MAPK8IP3: variants seen among roughly 807,000 people sequenced by gnomAD.
MAPK8IP3 encodes the protein mitogen-activated protein kinase 8 interacting protein 3, also known as C-Jun-amino-terminal kinase-interacting protein 3.
In MAPK8IP3, 49 loss-of-function variants were observed where a neutral mutation model predicts 157.8. That is an observed-to-expected ratio of 0.31 (90% CI 0.25 to 0.39). The LOEUF (loss-of-function observed/expected upper bound fraction) is 0.39, where lower values mean the gene tolerates loss of function less well. Ranked by LOEUF, MAPK8IP3 falls within the 10% of genes least tolerant of loss-of-function variation. The pLI is 1.00. For synonymous variants in MAPK8IP3, 897 were observed against 777.7 expected, an observed-to-expected ratio of 1.15 and a Z score of -2.55; for missense variants, 1,478 against 1,889.4, an observed-to-expected ratio of 0.78 and a Z score of 4.04.
chr16:1,761,578 A>G (rs1374858322), intron 13 of MAPK8IP3, among the ~76,000 whole-genome samples: 24 of 145,990 alleles, frequency 1.6e-4, no homozygotes, highest in African/African-American at 6.2e-4. Flanking sequence ...GGCGACCACC[A>G]TTCACCATTC....
At chr16:1,758,052 G>A in intron 8 of MAPK8IP3, 96 bp from the exon 9 acceptor site, 1 of 1,278,776 alleles carries the variant, frequency 7.8e-7, no homozygotes, top group Non-Finnish European at 1.1e-6. Context: ...ATCATTGCTG[G>A]GTTTTCTGTA....
chr16:1,742,484 C>A lies in MAPK8IP3; in HGVS notation c.603-848C>A, dbSNP rs2040742219. On this transcript the variant is annotated intron_variant, in intron 4 of 31. Transcript: ENST00000610761. This position sits in a 1 kb window ranked among gnomAD's most constrained non-coding sequence, Gnocchi z 5.0. The stretch of plus-strand genomic sequence containing the variant: ...GGGGAGGGAGAAGACGCCCCTCAGG[C>A]TCAGGCTCCGGCTGCAGCAGATGAG... Among the ~76,000 whole-genome samples the A allele has an allele frequency of 6.6e-6, 1 of 152,202 alleles. No individual in the cohort carries two copies. The highest frequency in any genetic ancestry group is 1.5e-5 in the Non-Finnish European group (1 of 68,034).
chr16:1,731,147 CATAA>C (rs2039293094), intron 4 of MAPK8IP3, among the ~76,000 whole-genome samples: 1 of 151,798 alleles, frequency 6.6e-6, no homozygotes, highest in Non-Finnish European at 1.5e-5. Flanking sequence ...AAAATAAATA[CATAA>C]ATAAATAATA....
Position 1,742,456 on chromosome 16 carries a change from C to T in MAPK8IP3, c.603-876C>T, listed in dbSNP as rs536619636. Among the ~76,000 whole-genome samples, 2 of 152,280 alleles carry T rather than the reference C, an allele frequency of 1.3e-5. No homozygotes were observed. The highest frequency in any genetic ancestry group is 2.1e-4 in the South Asian group (1 of 4,830). ...GGGCTCCCTGACAGCAGAGAGGACACGTGGGGAGGGAGAAGACGCCCCTCA... is the reference window on the plus strand; with the variant it reads ...GGGCTCCCTGACAGCAGAGAGGACATGTGGGGAGGGAGAAGACGCCCCTCA... On this transcript the variant is annotated intron_variant, in intron 4 of 31. Transcript: ENST00000610761. This position sits in a 1 kb window ranked among gnomAD's most constrained non-coding sequence, Gnocchi z 5.0.
intron 2 of MAPK8IP3, among the ~76,000 whole-genome samples, chr16:1,726,537 C>T (rs1378200977): frequency 1.3e-5 from 2 of 152,026 alleles, no homozygotes; most frequent in Non-Finnish European, 2.9e-5. Flanking sequence ...TAGCCAGGCA[C>T]GGTGGCTCAC....
At chr16:1,717,673 C>T (rs1189630915) in intron 1 of MAPK8IP3, among the ~76,000 whole-genome samples, 1 of 152,232 alleles carries the variant, frequency 6.6e-6, no homozygotes, top group African/African-American at 2.4e-5. Flanking sequence ...CAAGATACTA[C>T]CGTGCTGTAT....
chr16:1,748,296 G>T lies in MAPK8IP3; in HGVS notation c.1047G>T (p.Thr349=). Residue 349 remains threonine, a synonymous_variant, in exon 7 of 32, where the codon ACG becomes ACT. Transcript: ENST00000610761. ...WSDVQDIIDS[T]PELDMCPETR... ...ATGTTCAAGACATTATTGACTCCAC[G>T]CCAGAGCTGGACATGTGTCCAGAGA... 1 of 1,613,962 alleles carries T rather than the reference G, an allele frequency of 6.2e-7. No individual in the cohort carries two copies. Among genetic ancestry groups the T allele is most frequent in the Non-Finnish European group, 8.5e-7 (1 of 1,180,018 alleles).
rs972981770 is a variant in MAPK8IP3 at position 1,743,645 on chromosome 16, C to T, written c.747+169C>T. 2.1e-6 allele frequency: 3 copies of T among 1,438,466 alleles called. No homozygotes were observed. Among genetic ancestry groups the T allele is most frequent in the East Asian group, 2.7e-5 (1 of 36,620 alleles). The allele number at this position is 1,438,466 out of a possible 1,614,324, so 89.1% of individuals were successfully genotyped here. On this transcript the variant is annotated intron_variant, in intron 5 of 31. Transcript: ENST00000610761. This position sits in a 1 kb window ranked among gnomAD's most constrained non-coding sequence, Gnocchi z 5.6. ...AAACCCAGCCAGGGTGTCAGGGGCT[C>T]AGGCTGCCCAGCAGGCCCTGTGTGG...
At chr16:1,708,924 T>C (rs1395573353) in intron 1 of MAPK8IP3, among the ~76,000 whole-genome samples, 3 of 152,206 alleles carry the variant, frequency 2.0e-5, no homozygotes, top group Admixed American at 6.5e-5. Context: ...CATTGTGCCC[T>C]GTGGGTCGGC....
chr16:1,728,169 C>T (rs898073278), intron 2 of MAPK8IP3, among the ~76,000 whole-genome samples: 10 of 152,340 alleles, frequency 6.6e-5, no homozygotes, highest in African/African-American at 1.9e-4. Context: ...TGCCCGTCGG[C>T]CTGTCATGCT....
At chr16:1,768,042 T>A in intron 28 of MAPK8IP3, 27 bp from the exon 29 acceptor site, 2 of 1,612,182 alleles carry the variant, frequency 1.2e-6, no homozygotes, top group South Asian at 2.2e-5. Context: ...GCTCTCCTCT[T>A]CTCCCATGCT....
At chr16:1,744,548 G>T (rs960489697) in intron 5 of MAPK8IP3, 4 of 985,560 alleles carry the variant, frequency 4.1e-6, no homozygotes, top group Non-Finnish European at 4.8e-6. Context: ...CGGGCTCCCC[G>T]GGCCTTCTGG....
Position 1,761,255 on chromosome 16 carries a change from G to A in MAPK8IP3, c.1489G>A (p.Glu497Lys), listed in dbSNP as rs1402991231. 6.2e-7 allele frequency: 1 copy of A among 1,613,802 alleles called. No individual in the cohort carries two copies. Among genetic ancestry groups the A allele is most frequent in the Non-Finnish European group, 8.5e-7 (1 of 1,180,012 alleles). ...GTCCGAGGCCATCATCGCCCGCCGT[G>A]AACCCAAAGAAGAGGCGGAGGATGT... is the stretch of plus-strand genomic sequence containing the variant. ...VKSEAIIARR[E>K]PKEEAEDVSS... The change falls in exon 13 of 32, where the codon GAA becomes AAA. Residue 497 changes from glutamate to lysine, a missense_variant. This residue lies in a region of MAPK8IP3 where 96 missense variants were observed against 106.3 expected (regional missense o/e 0.90). Coordinates refer to ENST00000610761, the MANE Select transcript of MAPK8IP3 (RefSeq NM_001318852.2).
chr16:1,730,712 G>A (rs775680137), intron 4 of MAPK8IP3, among the ~76,000 whole-genome samples: 32 of 152,004 alleles, frequency 2.1e-4, no homozygotes, highest in South Asian at 1.7e-3. Flanking sequence ...GTGTGGTGGC[G>A]GGCGCCTGTA....
rs369186015 is a variant in MAPK8IP3 at position 1,768,595 on chromosome 16, C to T, written c.3861C>T (p.Ser1287=). The change falls in exon 31 of 32, where the codon AGC becomes AGT. Residue 1287 remains serine, a synonymous_variant. Transcript: ENST00000610761. ...AGCTGCGGAACGTGCTGGTGCTGAG[C>T]GGCGGGGAGGGCTACATCGACTTCC... ...GQKLRNVLVL[S]GGEGYIDFRI... The T allele has an allele frequency of 1.7e-5, 27 of 1,591,154 alleles. No individual in the cohort carries two copies. The highest frequency in any genetic ancestry group is 1.7e-4 in the Middle Eastern group (1 of 5,804).
rs994257606 is a variant in MAPK8IP3, at chr16:1,744,705, GC to G, written c.747+1230del. ...TTGCTTGACGCTCTCTGGCCTCCGG[GC>G]TGCCTCTCGCGCCCGCTCTGGGCCC... On this transcript the variant is annotated intron_variant, in intron 5 of 31. Coordinates refer to ENST00000610761, the MANE Select transcript of MAPK8IP3 (RefSeq NM_001318852.2). 3.2e-5 allele frequency: 32 copies of G among 985,514 alleles called. No homozygotes were observed. In the African/African-American group the frequency reaches 5.2e-4, roughly 16 times the overall value. 61.0% of individuals were successfully genotyped at this position (985,514 alleles called of 1,614,324 possible).
At chr16:1,727,590 C>T (rs573746442) in intron 2 of MAPK8IP3, among the ~76,000 whole-genome samples, 4 of 151,776 alleles carry the variant, frequency 2.6e-5, no homozygotes, top group East Asian at 3.9e-4. Context: ...CTAAGTCGTG[C>T]GTGTGAGGTG....
chr16:1,758,218 G>A (rs537545965), intron 9 of MAPK8IP3, 59 bp downstream of exon 9: 191 of 1,597,948 alleles, frequency 1.2e-4, no homozygotes, highest in Non-Finnish European at 1.4e-4. Flanking sequence ...GTGGGTGGAC[G>A]GGGGATGCCC....
rs1286285813 is a variant in MAPK8IP3, at chr16:1,769,284, G to A, written c.*460G>A. The A allele has an allele frequency of 5.2e-6, 1 of 191,262 alleles. No homozygotes were observed. The highest frequency in any genetic ancestry group is 1.1e-5 in the Non-Finnish European group (1 of 90,932). 11.8% of individuals were successfully genotyped at this position (191,262 alleles called of 1,614,324 possible). ...CCTCCTGGGCCCTCACTCTGCCTAGGGGAGCTGGGCCAGGCACTAGCCTTT... is the reference window on the plus strand; with the variant it reads ...CCTCCTGGGCCCTCACTCTGCCTAGAGGAGCTGGGCCAGGCACTAGCCTTT... On this transcript the variant is annotated 3_prime_UTR_variant, in exon 32 of 32. Coordinates refer to ENST00000610761, the MANE Select transcript of MAPK8IP3 (RefSeq NM_001318852.2).
Sources: allele counts gnomAD v4.1 joint callset (sites outside exome capture counted in the v4.1 genomes callset), GRCh38; gene constraint gnomAD v4.1.1; regional missense constraint gnomAD v4.1.1; non-coding constraint Gnocchi (gnomAD v3.1); transcripts MANE v1.5; gene names NCBI Gene and HGNC (gene_info 2026-07-23, HGNC 2026-07-21).